RANGAP1: variants seen among roughly 807,000 people sequenced by gnomAD.
RANGAP1 encodes the protein Ran GTPase activating protein 1, also known as ran GTPase-activating protein 1.
RANGAP1 carries 38 observed loss-of-function variants against 63.5 expected under a neutral mutation model. That is an observed-to-expected ratio of 0.60 (90% CI 0.46 to 0.78). The LOEUF (loss-of-function observed/expected upper bound fraction) is 0.78. Among genes scored for constraint, RANGAP1 ranks in the 30% least tolerant of loss-of-function variants. RANGAP1 has a pLI of 0.00. For synonymous variants in RANGAP1, 329 were observed against 310.5 expected, an observed-to-expected ratio of 1.06 and a Z score of -0.63; for missense variants, 630 against 740.3, an observed-to-expected ratio of 0.85 and a Z score of 1.73.
chr22:41,251,205 C>A, intron 12 of RANGAP1, 96 bp from the exon 13 acceptor site: 1 of 932,862 alleles, frequency 1.1e-6, no homozygotes, highest in Non-Finnish European at 1.7e-6. Flanking sequence ...AGTACAAAGG[C>A]CCCTGGCGGG....
intron 13 of RANGAP1, among the ~76,000 whole-genome samples, chr22:41,250,212 G>C (rs2033345019): frequency 6.6e-6 from 1 of 152,226 alleles, no homozygotes; most frequent in African/African-American, 2.4e-5. Flanking sequence ...CTGGGAAACA[G>C]AACTAGGGCA....
In RANGAP1 at chr22:41,246,222, C is replaced by T. The variant is rs910817949; in HGVS notation, c.*381G>A. The T allele has an allele frequency of 1.6e-4, 32 of 202,704 alleles. No individual in the cohort carries two copies. Among genetic ancestry groups the T allele is most frequent in the East Asian group, 2.8e-4 (2 of 7,242 alleles). The allele number at this position is 202,704 out of a possible 1,614,324, so 12.6% of individuals were successfully genotyped here. On this transcript the variant is annotated 3_prime_UTR_variant, in exon 16 of 16. Transcript: ENST00000356244. ...CGGGCAACTCCCTGGGTTCTGGCTC[C>T]GCCAGGGAGCCGGGCCGGAAGGCAG...
rs902647565 is a variant in RANGAP1 at position 41,286,115 on chromosome 22, C to T, written c.-168G>A. Reference sequence around the variant, plus strand: ...GGATCCAGCGGTCCAGATGTCCAGCCGGCTAGTCTGTTAGCTCTCTCGAGC... The same window carrying T: ...GGATCCAGCGGTCCAGATGTCCAGCTGGCTAGTCTGTTAGCTCTCTCGAGC... On this transcript the variant is annotated 5_prime_UTR_variant, in exon 1 of 16. Transcript: ENST00000356244. 1 of 152,350 alleles carries T rather than the reference C, an allele frequency of 6.6e-6. No homozygotes were observed. Among genetic ancestry groups the T allele is most frequent in the Non-Finnish European group, 1.5e-5 (1 of 68,100 alleles). The allele number at this position is 152,350 out of a possible 1,614,324, so 9.4% of individuals were successfully genotyped here.
In RANGAP1 at chr22:41,249,390, A is replaced by G. The variant is rs1305290282; in HGVS notation, c.1634T>C (p.Met545Thr). Reference protein sequence around the residue: ...LYGPLMALNHMVQQDYFPKAL... With the variant: ...LYGPLMALNHTVQQDYFPKAL... ...CTTGGGGAAATAGTCCTGCTGCACC[A>G]TGTGGTTCAGCGCCATCAGGGGGCC... is the stretch of plus-strand genomic sequence containing the variant. Residue 545 changes from methionine (M) to threonine (T), a missense_variant, in exon 15 of 16, where the codon ATG (methionine) becomes ACG (threonine). Transcript: ENST00000356244. 21 of 1,614,056 alleles carry G rather than the reference A, an allele frequency of 1.3e-5. No individual in the cohort carries two copies. Among genetic ancestry groups the G allele is most frequent in the Admixed American group, 1.7e-5 (1 of 60,008 alleles).
the RANGAP1 span, among the ~76,000 whole-genome samples, chr22:41,297,455 G>A: frequency 6.6e-6 from 1 of 151,544 alleles, no homozygotes; most frequent in Non-Finnish European, 1.5e-5. Context: ...GCACCCTGTG[G>A]CCCAGGCAAG....
intron 4 of RANGAP1, among the ~76,000 whole-genome samples, chr22:41,266,241 C>T (rs1445864934): frequency 4.2e-5 from 2 of 47,724 alleles, no homozygotes; most frequent in African/African-American, 1.5e-4. Context: ...GATCTGGCCT[C>T]AACTGACCTC....
chr22:41,271,892 C>T (rs529117276), intron 3 of RANGAP1, among the ~76,000 whole-genome samples: 3 of 152,334 alleles, frequency 2.0e-5, no homozygotes, highest in East Asian at 1.9e-4. Flanking sequence ...TCCCACCCTG[C>T]CCCTGCCCTG....
At chr22:41,271,621 G>A (rs2034834541) in intron 3 of RANGAP1, among the ~76,000 whole-genome samples, 1 of 151,726 alleles carries the variant, frequency 6.6e-6, no homozygotes, top group South Asian at 2.1e-4. Flanking sequence ...ATGAACCCGG[G>A]AGGCGGAGCT....
Position 41,266,938 on chromosome 22 carries a change from T to A in RANGAP1, c.300+1159A>T, listed in dbSNP as rs1430415856. Reference sequence around the variant, plus strand: ...CTTTGTCACCCAGGTTGGAGTGCAGTGGCATGATCTTGGCTCACTGCAACC... The same window carrying A: ...CTTTGTCACCCAGGTTGGAGTGCAGAGGCATGATCTTGGCTCACTGCAACC... On this transcript the variant is annotated intron_variant, in intron 4 of 15. Transcript: ENST00000356244. Among the ~76,000 whole-genome samples the A allele has an allele frequency of 2.8e-5, 4 of 141,952 alleles. No homozygotes were observed. In the South Asian group the frequency reaches 6.5e-4, roughly 23 times the overall value. 93.1% of individuals were successfully genotyped at this position (141,952 alleles called of 152,430 possible).
intron 2 of RANGAP1, chr22:41,277,390 A>T (rs1465755329): frequency 1.9e-6 from 2 of 1,071,964 alleles, no homozygotes; most frequent in East Asian, 6.5e-5. Flanking sequence ...AAGTGAGGAT[A>T]TATTTTTTCC....
chr22:41,278,047 T>TG (rs1464768224), intron 2 of RANGAP1, among the ~76,000 whole-genome samples: 1 of 151,380 alleles, frequency 6.6e-6, no homozygotes, highest in Non-Finnish European at 1.5e-5. Context: ...AGTTTTTTTT[T>TG]TTTTTTTTTG....
intron 2 of RANGAP1, among the ~76,000 whole-genome samples, chr22:41,276,290 C>T (rs1036063869): frequency 6.6e-6 from 1 of 152,144 alleles, no homozygotes; most frequent in African/African-American, 2.4e-5. Flanking sequence ...AAAATGTTCT[C>T]AATATATCAG....
rs577429423 is a variant in RANGAP1 at position 41,281,033 on chromosome 22, T to C, written c.12A>G (p.Glu4=). Residue 4 remains glutamate, a synonymous_variant, in exon 2 of 16, where the codon GAA becomes GAG. Coordinates refer to ENST00000356244, the MANE Select transcript of RANGAP1 (RefSeq NM_002883.4). MAS[E]DIAKLAETLA... ...GTGTCTCTGCCAGCTTGGCAATGTC[T>C]TCCGAGGCCATGTTGACTAGGCTGG... is the stretch of plus-strand genomic sequence containing the variant. 1.2e-6 allele frequency: 2 copies of C among 1,604,270 alleles called. No individual in the cohort carries two copies. The highest frequency in any genetic ancestry group is 2.2e-5 in the South Asian group (2 of 89,572).
chr22:41,285,423 G>A (rs2035703033), intron 1 of RANGAP1: 3 of 846,446 alleles, frequency 3.5e-6, no homozygotes, highest in Non-Finnish European at 4.3e-6. Flanking sequence ...GTCAGCAAAG[G>A]ATCAGCGCCA....
the RANGAP1 span, among the ~76,000 whole-genome samples, chr22:41,297,249 G>A: frequency 6.6e-6 from 1 of 152,130 alleles, no homozygotes; most frequent in Non-Finnish European, 1.5e-5. Flanking sequence ...CAGCTTGAAG[G>A]CCATCATGGA....
At chr22:41,285,408 C>T (rs564309243) in intron 1 of RANGAP1, 88 of 758,204 alleles carry the variant, frequency 1.2e-4, no homozygotes, top group Admixed American at 1.3e-4. Context: ...ATTGATTTGT[C>T]CAAGGTCAGC....
the RANGAP1 span, among the ~76,000 whole-genome samples, chr22:41,294,978 G>C: frequency 7.6e-6 from 1 of 131,996 alleles, no homozygotes; most frequent in East Asian, 2.5e-4. Context: ...GGAGGGAGGT[G>C]GGGGATCAGC....
rs758172876 is a variant in RANGAP1 at position 41,268,115 on chromosome 22, G to C, written c.282C>G (p.Thr94=). The C allele has an allele frequency of 3.2e-6, 5 of 1,558,810 alleles. No individual in the cohort carries two copies. Among genetic ancestry groups the C allele is most frequent in the Non-Finnish European group, 2.6e-6 (3 of 1,150,506 alleles). Residue 94 remains threonine, a synonymous_variant, in exon 4 of 16, where the codon ACC becomes ACG. Coordinates refer to ENST00000356244, the MANE Select transcript of RANGAP1 (RefSeq NM_002883.4). ...WSDMFTGRLR[T]EIPPALISLG... ...CGCTTACCAGGGCTGGTGGGATCTCGGTCCGCAGCCTTCCCGTGAACATGT... is the reference window on the plus strand; with the variant it reads ...CGCTTACCAGGGCTGGTGGGATCTCCGTCCGCAGCCTTCCCGTGAACATGT...
chr22:41,246,733 G>T, intron 15 of RANGAP1, 61 bp from the exon 16 acceptor site: 1 of 1,433,886 alleles, frequency 7.0e-7, no homozygotes, highest in South Asian at 1.2e-5. Flanking sequence ...TCCAAGTGTG[G>T]GGGCCATTTT....
Sources: allele counts gnomAD v4.1 joint callset (sites outside exome capture counted in the v4.1 genomes callset), GRCh38; gene constraint gnomAD v4.1.1; transcripts MANE v1.5; gene names NCBI Gene and HGNC (gene_info 2026-07-23, HGNC 2026-07-21).